The following ARFGAP3 variants were observed in gnomAD, a reference collection of about 807,000 sequenced individuals.
ARFGAP3 encodes the protein ADP-ribosylation factor GTPase-activating protein 3.
A neutral mutation model predicts 75.0 loss-of-function variants in ARFGAP3; 72 were observed. The observed-to-expected ratio is 0.96, with a 90% CI of 0.79 to 1.17. ARFGAP3 has a LOEUF of 1.17. ARFGAP3 is among the 50% of genes most tolerant of loss of function. The pLI is 0.00. For missense variants in ARFGAP3, 620 were observed against 626.6 expected, an observed-to-expected ratio of 0.99 and a Z score of 0.11; for synonymous variants, 221 against 217.9, an observed-to-expected ratio of 1.01 and a Z score of -0.13.
At chr22:42,828,197 C>T (rs997497001) in intron 6 of ARFGAP3, among the ~76,000 whole-genome samples, 19 of 151,422 alleles carry the variant, frequency 1.3e-4, no homozygotes, top group Admixed American at 2.6e-4. Flanking sequence ...CCAAGGGGGA[C>T]GCATCATGAG....
intron 1 of ARFGAP3, among the ~76,000 whole-genome samples, chr22:42,850,359 C>T (rs897847927): frequency 1.3e-5 from 2 of 151,900 alleles, no homozygotes; most frequent in African/African-American, 4.8e-5. Context: ...ATCGCTTGAG[C>T]TCAAGAGTTT....
chr22:42,802,296 T>A (rs1924899065), intron 14 of ARFGAP3, among the ~76,000 whole-genome samples: 1 of 151,892 alleles, frequency 6.6e-6, no homozygotes, highest in African/African-American at 2.4e-5. Context: ...CAATTTTTTT[T>A]TTTTTTTGAG....
At chr22:42,828,146 GGT>G (rs1457693806) in intron 6 of ARFGAP3, among the ~76,000 whole-genome samples, 2 of 151,664 alleles carry the variant, frequency 1.3e-5, no homozygotes, top group Non-Finnish European at 2.9e-5. Flanking sequence ...ATGAGGGCCA[GGT>G]GTGGTGGCTC....
At chr22:42,815,561 ATATATT>A (rs757688817) in intron 11 of ARFGAP3, among the ~76,000 whole-genome samples, 1 of 152,156 alleles carries the variant, frequency 6.6e-6, no homozygotes, top group East Asian at 1.9e-4. Flanking sequence ...ATCCTAGGTA[ATATATT>A]TATATCTGTT....
intron 14 of ARFGAP3, among the ~76,000 whole-genome samples, chr22:42,801,289 C>T (rs992349231): frequency 1.3e-5 from 2 of 152,218 alleles, no homozygotes; most frequent in African/African-American, 2.4e-5. Flanking sequence ...AGGAAGAAGA[C>T]AGCTGCTCCC....
chr22:42,827,000 C>G lies in ARFGAP3; in HGVS notation c.566-1G>C. 6.2e-7 allele frequency: 1 copy of G among 1,613,090 alleles called. No homozygotes were observed. The highest frequency in any genetic ancestry group is 8.5e-7 in the Non-Finnish European group (1 of 1,179,766). On this transcript the variant is annotated splice_acceptor_variant, in intron 6 of 15. Transcript: ENST00000263245. LOFTEE classifies it high-confidence loss of function. ...ACACTTGGTCCTTGCTCTTGTCCAC[C>G]TGAAAATTCAAAACATTGATATTAG...
intron 12 of ARFGAP3, among the ~76,000 whole-genome samples, chr22:42,809,213 T>C (rs1388181155): frequency 2.0e-5 from 3 of 152,208 alleles, no homozygotes; most frequent in Non-Finnish European, 4.4e-5. Flanking sequence ...CTACATTGTA[T>C]AGGTTATAAA....
At chr22:42,798,559 A>C (rs1231760168) in intron 15 of ARFGAP3, among the ~76,000 whole-genome samples, 1 of 152,238 alleles carries the variant, frequency 6.6e-6, no homozygotes, top group East Asian at 1.9e-4. Flanking sequence ...TTTTCATTAC[A>C]AGGAAATGCT....
chr22:42,806,507 G>GT (rs1221065201), intron 14 of ARFGAP3, among the ~76,000 whole-genome samples: 1 of 152,228 alleles, frequency 6.6e-6, no homozygotes, highest in Non-Finnish European at 1.5e-5. Flanking sequence ...TCCCAAAGCT[G>GT]TGTTCTGTCT....
intron 15 of ARFGAP3, among the ~76,000 whole-genome samples, chr22:42,798,377 C>T (rs1924698717): frequency 6.6e-6 from 1 of 152,238 alleles, no homozygotes; most frequent in Non-Finnish European, 1.5e-5. Flanking sequence ...AGTCCTACTT[C>T]CTTTAGCAGC....
rs547414949 is a variant in ARFGAP3, at chr22:42,831,342, T to G, written c.565+207A>C. Among the ~76,000 whole-genome samples, 234 of 109,016 alleles carry G rather than the reference T, an allele frequency of 2.1e-3. 2 individuals are homozygous for G. The highest frequency in any genetic ancestry group is 7.0e-3 in the African/African-American group (224 of 31,894). 71.5% of individuals were successfully genotyped at this position (109,016 alleles called of 152,430 possible). A position where few individuals can be genotyped will look rare whatever the true frequency, so the allele number is the denominator to read the frequency against. ...ACATTTTAATATTTTTAGGTTTCAG[T>G]TTTTTTTTTTTTTGATAGAGATGGG... On this transcript the variant is annotated intron_variant, in intron 6 of 15. Transcript: ENST00000263245.
At chr22:42,829,358 C>T (rs556337396) in intron 6 of ARFGAP3, among the ~76,000 whole-genome samples, 1 of 152,152 alleles carries the variant, frequency 6.6e-6, no homozygotes, top group Non-Finnish European at 1.5e-5. Context: ...AAAGAGGCAA[C>T]CCATGCCAAT....
At chr22:42,817,919 G>A in intron 9 of ARFGAP3, 62 bp from the exon 10 acceptor site, 11 of 1,367,104 alleles carry the variant, frequency 8.0e-6, no homozygotes, top group Non-Finnish European at 1.1e-5. Flanking sequence ...TATTAAAATA[G>A]CAAGCAAAAT....
rs771595807 is a variant in ARFGAP3 at position 42,808,826 on chromosome 22, ACTT to A, written c.1258_1260del (p.Lys420del). On this transcript the variant is annotated inframe_deletion, in exon 13 of 16. Coordinates refer to ENST00000263245, the MANE Select transcript of ARFGAP3 (RefSeq NM_014570.5). ...GATGAAATGGCCTTGACATTGCCAA[ACTT>A]CTTCTGGGCCTCATCTGTATTTTCA... is the stretch of plus-strand genomic sequence containing the variant. 1.2e-6 allele frequency: 2 copies of A among 1,613,640 alleles called. No homozygotes were observed. The highest frequency in any genetic ancestry group is 1.7e-5 in the Admixed American group (1 of 59,974).
chr22:42,815,558 G>A (rs1925540672), intron 11 of ARFGAP3, among the ~76,000 whole-genome samples: 1 of 151,872 alleles, frequency 6.6e-6, no homozygotes, highest in Non-Finnish European at 1.5e-5. Flanking sequence ...TAGATCCTAG[G>A]TAATATATTT....
intron 13 of ARFGAP3, 96 bp from the exon 14 acceptor site, chr22:42,807,259 A>AAAG: frequency 2.7e-6 from 4 of 1,476,222 alleles, no homozygotes; most frequent in Non-Finnish European, 3.6e-6. Flanking sequence ...AAAGTGTTTG[A>AAAG]CCCCCAGGCT....
intron 13 of ARFGAP3, among the ~76,000 whole-genome samples, chr22:42,807,470 T>C (rs888956533): frequency 3.3e-5 from 5 of 152,136 alleles, no homozygotes; most frequent in Non-Finnish European, 7.4e-5. Context: ...TAGCCAGCTG[T>C]CAGCAAAGGC....
intron 3 of ARFGAP3, among the ~76,000 whole-genome samples, chr22:42,839,174 GAA>G (rs1262752021): frequency 2.0e-5 from 3 of 150,898 alleles, no homozygotes. Context: ...TGGGGTTAAG[GAA>G]ATCAGTTCTT....
chr22:42,816,123 C>T (rs1925568608), intron 11 of ARFGAP3, among the ~76,000 whole-genome samples: 1 of 151,982 alleles, frequency 6.6e-6, no homozygotes, highest in South Asian at 2.1e-4. Context: ...CATAAACAAA[C>T]AAACAAACAA....
Sources: gnomAD v4.1 joint callset for allele counts (sites outside exome capture counted in the v4.1 genomes callset) on GRCh38, gnomAD v4.1.1 for gene constraint, MANE v1.5 for transcripts, NCBI Gene and HGNC (gene_info 2026-07-23, HGNC 2026-07-21) for gene names.